The following PSG3 variants were observed in gnomAD, a reference collection of about 807,000 sequenced individuals.
PSG3 encodes pregnancy-specific beta-1-glycoprotein 3.
In PSG3, 61 loss-of-function variants were observed where a neutral mutation model predicts 47.5. The observed-to-expected ratio is 1.28, with a 90% CI of 1.05 to 1.59. The LOEUF (loss-of-function observed/expected upper bound fraction) is 1.59, where lower values mean the gene tolerates loss of function less well. PSG3 is among the 40% of genes most tolerant of loss of function. The probability of loss-of-function intolerance (pLI) is 0.00; values close to 1 mark genes in which losing one functional copy is unlikely to be tolerated. For synonymous variants in PSG3, 263 were observed against 198.4 expected (o/e 1.33, Z -2.74); for missense variants, 756 against 524.0 (o/e 1.44, Z -4.32).
In PSG3 at chr19:42,723,998, C is replaced by A; in HGVS notation, c.1271G>T (p.Gly424Val). 4 of 1,611,620 alleles carry A rather than the reference C, an allele frequency of 2.5e-6. No individual in the cohort carries two copies. Among genetic ancestry groups the A allele is most frequent in the Non-Finnish European group, 3.4e-6 (4 of 1,177,850 alleles). Residue 424 changes from glycine (G) to valine (V), a missense_variant, in exon 6 of 7, where the codon GGC becomes GTC. Coordinates refer to ENST00000327495, the MANE Select transcript of PSG3 (RefSeq NM_021016.4). ...TCACGGCTGCTATAATGGATTAAGG[C>A]CAGGAAGATGTCCTGTTCCTGAAGG... is the stretch of plus-strand genomic sequence containing the variant. ...SAPSGTGHLP[G>V]LNPL is the part of the protein sequence containing the mutation.
chr19:42,738,961 A>G lies in PSG3; in HGVS notation c.193T>C (p.Tyr65His). 6.2e-7 allele frequency: 1 copy of G among 1,614,098 alleles called. No individual in the cohort carries two copies. The highest frequency in any genetic ancestry group is 1.7e-4 in the Middle Eastern group (1 of 6,058). ...VHNLPQNLAG[Y>H]IWYKGQMKDL... ...TTCATTTGCCCTTTGTACCAGATGT[A>G]GCCAGCAAGATTCTGGGGCAAATTG... The change falls in exon 2 of 7, where the codon TAC (tyrosine) becomes CAC (histidine). Residue 65 changes from tyrosine (Y) to histidine (H), a missense_variant. Physicochemically the swap from Tyr to His is moderately conservative, Grantham distance 83. Transcript: ENST00000327495.
chr19:42,739,362 G>A (rs1330501030), intron 1 of PSG3: 9 of 477,754 alleles, frequency 1.9e-5, no homozygotes, highest in Middle Eastern at 6.1e-4. Context: ...CCAGGGGTCC[G>A]CACGGCCCCC....
chr19:42,737,306 C>T (rs1568754869), intron 2 of PSG3, among the ~76,000 whole-genome samples: 1 of 152,158 alleles, frequency 6.6e-6, no homozygotes. Context: ...CAAATTCAGT[C>T]TCTAAAGAGG....
At chr19:42,731,190 T>C (rs1374385836) in intron 3 of PSG3, among the ~76,000 whole-genome samples, 2 of 152,228 alleles carry the variant, frequency 1.3e-5, no homozygotes, top group Non-Finnish European at 1.5e-5. Flanking sequence ...TAGAGCTTGA[T>C]GCCTATAGTT....
At chr19:42,727,230 A>G (rs1228326162) in intron 5 of PSG3, among the ~76,000 whole-genome samples, 1 of 152,252 alleles carries the variant, frequency 6.6e-6, no homozygotes, top group East Asian at 1.9e-4. Context: ...TGTAACAACA[A>G]AAGCATAGGC....
chr19:42,731,290 A>G (rs973127226), intron 3 of PSG3, among the ~76,000 whole-genome samples: 4 of 152,266 alleles, frequency 2.6e-5, no homozygotes, highest in African/African-American at 9.6e-5. Flanking sequence ...TATTTGTCAT[A>G]TACTTACTGG....
chr19:42,734,012 T>C (rs963848973), intron 2 of PSG3: 12 of 152,196 alleles, frequency 7.9e-5, no homozygotes, highest in African/African-American at 2.9e-4. Flanking sequence ...TTAGACATTC[T>C]ACTCTCTGAT....
intron 2 of PSG3, among the ~76,000 whole-genome samples, chr19:42,734,384 G>T (rs7256264): frequency 0.031 from 4,685 of 152,116 alleles, 135 homozygotes; most frequent in African/African-American, 0.078. Context: ...TGGTCAGAAG[G>T]GTTGAGTTTT....
chr19:42,725,827 G>C (rs1969367334), intron 5 of PSG3, among the ~76,000 whole-genome samples: 1 of 138,324 alleles, frequency 7.2e-6, no homozygotes, highest in Non-Finnish European at 1.5e-5. Flanking sequence ...TCACACCACT[G>C]TATTCCATCC....
chr19:42,730,777 A>G (rs560116420), intron 3 of PSG3, among the ~76,000 whole-genome samples: 4 of 152,364 alleles, frequency 2.6e-5, no homozygotes, highest in African/African-American at 9.6e-5. Context: ...GAGCAGAAGC[A>G]TGTTCCCTGT....
chr19:42,729,191 T>C lies in PSG3; in HGVS notation c.1175A>G (p.Tyr392Cys). ...GGCTGAGTTACGAACAGAGCAAGCA[T>C]AGAGCCCGCTATGCTTTGTAGTAAT... ...PQITTKHSGL[Y>C]ACSVRNSATG... The change falls in exon 5 of 7, where the codon TAT becomes TGT. Residue 392 changes from tyrosine to cysteine, a missense_variant. Coordinates refer to ENST00000327495, the MANE Select transcript of PSG3 (RefSeq NM_021016.4). 6.2e-7 allele frequency: 1 copy of C among 1,614,012 alleles called. No individual in the cohort carries two copies. Among genetic ancestry groups the C allele is most frequent in the Non-Finnish European group, 8.5e-7 (1 of 1,179,870 alleles).
chr19:42,730,252 AG>A (rs1156784410), intron 3 of PSG3, among the ~76,000 whole-genome samples, 196 bp from the exon 4 acceptor site: 11 of 152,188 alleles, frequency 7.2e-5, no homozygotes, highest in South Asian at 2.1e-4. Flanking sequence ...GCTCTGTCTT[AG>A]GGAAGCACAG....
Position 42,732,787 on chromosome 19 carries a change from G to A in PSG3, c.706C>T (p.Leu236Phe). The A allele has an allele frequency of 6.2e-7, 1 of 1,614,122 alleles. No individual in the cohort carries two copies. The change falls in exon 3 of 7, where the codon CTC becomes TTC. Residue 236 changes from leucine (L) to phenylalanine (F), a missense_variant. By Grantham distance (22) the Leu-to-Phe change is conservative (BLOSUM62 0). Coordinates refer to ENST00000327495, the MANE Select transcript of PSG3 (RefSeq NM_021016.4). ...SRSDPVTLNL[L>F]PKLPKPYITI... is the part of the protein sequence containing the mutation. The stretch of plus-strand genomic sequence containing the variant: ...CAGAGGAACAGGAGATACTCACGGA[G>A]GAGATTCAGGGTGACTGGGTCACTG...
In PSG3 at chr19:42,729,760, G is replaced by T. The variant is rs181066098; in HGVS notation, c.988+18C>A. 1,106 of 1,607,212 alleles carry T rather than the reference G, an allele frequency of 6.9e-4. 9 individuals are homozygous for T. In the African/African-American group the frequency reaches 0.014, roughly 20 times the overall value. On this transcript the variant is annotated intron_variant, in intron 4 of 6. Coordinates refer to ENST00000327495, the MANE Select transcript of PSG3 (RefSeq NM_021016.4). ...TTAAGCTGGTGTCCTGGCCCACAGA[G>T]GAACAAAAGATACTCACAGAGGACA...
At chr19:42,730,748 GC>G (rs1195079443) in intron 3 of PSG3, among the ~76,000 whole-genome samples, 2 of 152,230 alleles carry the variant, frequency 1.3e-5, no homozygotes, top group Non-Finnish European at 2.9e-5. Flanking sequence ...AAGGTGACAG[GC>G]AAGAGCTGGT....
rs1305909867 is a variant in PSG3 at position 42,729,308 on chromosome 19, G to T, written c.1058C>A (p.Ser353Tyr). The T allele has an allele frequency of 6.2e-7, 1 of 1,614,166 alleles. No individual in the cohort carries two copies. Among genetic ancestry groups the T allele is most frequent in the Non-Finnish European group, 8.5e-7 (1 of 1,179,986 alleles). The change falls in exon 5 of 7, where the codon TCC (serine) becomes TAC (tyrosine). Residue 353 changes from serine to tyrosine, a missense_variant. Ser to Tyr is a moderately radical substitution (Grantham distance 144, BLOSUM62 -2). Transcript: ENST00000327495. Reference protein sequence around the residue: ...YYHSGENLYLSCFADSNPPAE... With the variant: ...YYHSGENLYLYCFADSNPPAE... ...TGGTGGGTTAGAGTCCGCGAAGCAG[G>T]ACAAGTAGAGGTTTTCTCCTGAATG...
intron 2 of PSG3, among the ~76,000 whole-genome samples, chr19:42,734,484 C>A (rs966134047): frequency 1.3e-5 from 2 of 152,084 alleles, no homozygotes; most frequent in African/African-American, 2.4e-5. Context: ...GAGTTTAGAC[C>A]TTATGTTCTG....
At position 42,729,839 on chromosome 19, in the gene PSG3, T is replaced by C. The variant is rs1016645161; in HGVS notation, c.927A>G (p.Gln309=). ...CACCATATCGGTCCTGTATTTCACATTGATAGGGTCCTGTTTCATTTCTCG... is the reference window on the plus strand; with the variant it reads ...CACCATATCGGTCCTGTATTTCACACTGATAGGGTCCTGTTTCATTTCTCG... ...SVTRNETGPY[Q]CEIQDRYGGI... is the part of the protein sequence containing the mutation. The change falls in exon 4 of 7, where the codon CAA becomes CAG. Residue 309 remains glutamine (Q), a synonymous_variant. Coordinates refer to ENST00000327495, the MANE Select transcript of PSG3 (RefSeq NM_021016.4). 1.1e-5 allele frequency: 17 copies of C among 1,613,344 alleles called. No homozygotes were observed. The highest frequency in any genetic ancestry group is 6.7e-5 in the African/African-American group (5 of 74,882).
chr19:42,725,762 G>T (rs1448292997), intron 5 of PSG3, among the ~76,000 whole-genome samples: 7 of 151,774 alleles, frequency 4.6e-5, no homozygotes, highest in Admixed American at 1.3e-4. Flanking sequence ...ATCTTGGGAG[G>T]CTGAAGAAGG....
Sources: gnomAD v4.1 joint callset for allele counts (sites outside exome capture counted in the v4.1 genomes callset) on GRCh38, gnomAD v4.1.1 for gene constraint, MANE v1.5 for transcripts, NCBI Gene and HGNC (gene_info 2026-07-23, HGNC 2026-07-21) for gene names.